MAF: variants seen among roughly 807,000 people sequenced by gnomAD.
The protein encoded by MAF is MAF bZIP transcription factor.
MAF carries 10 observed loss-of-function variants against 22.0 expected under a neutral mutation model. That is an observed-to-expected ratio of 0.45 (90% CI 0.28 to 0.77). The LOEUF (loss-of-function observed/expected upper bound fraction) is 0.77, where lower values mean the gene tolerates loss of function less well. Among genes scored for constraint, MAF ranks in the 30% least tolerant of loss-of-function variants. The pLI is 0.12. For synonymous variants in MAF, 337 were observed against 255.8 expected, an observed-to-expected ratio of 1.32 and a Z score of -3.03; for missense variants, 544 against 548.4, an observed-to-expected ratio of 0.99 and a Z score of 0.08.
the MAF span, among the ~76,000 whole-genome samples, chr16:79,384,607 A>T: frequency 5.3e-5 from 8 of 151,956 alleles, no homozygotes; most frequent in South Asian, 1.7e-3. Flanking sequence ...AATACAAAAA[A>T]TTAGCTGGGT....
At chr16:79,304,759 A>G in the MAF span, among the ~76,000 whole-genome samples, 2 of 152,208 alleles carry the variant, frequency 1.3e-5, no homozygotes, top group Non-Finnish European at 2.9e-5. Flanking sequence ...AGGGACCAAA[A>G]GGGACTAAAT....
At chr16:79,377,095 C>A in the MAF span, among the ~76,000 whole-genome samples, 1,213 of 152,272 alleles carry the variant, frequency 8.0e-3, 9 homozygotes, top group Non-Finnish European at 0.01. Flanking sequence ...TGAGGAATCG[C>A]CACACTGACT....
the MAF span, among the ~76,000 whole-genome samples, chr16:79,370,139 T>G: frequency 2.0e-5 from 3 of 152,160 alleles, no homozygotes; most frequent in Non-Finnish European, 4.4e-5. Context: ...GGAGGCTAAT[T>G]GGCTAAAGTA....
At chr16:79,386,547 G>A in the MAF span, among the ~76,000 whole-genome samples, 1 of 152,134 alleles carries the variant, frequency 6.6e-6, no homozygotes, top group Non-Finnish European at 1.5e-5. Context: ...CCTGCTGTGT[G>A]GCCTGGCTCG....
chr16:79,473,142 T>C, the MAF span, among the ~76,000 whole-genome samples: 1 of 152,152 alleles, frequency 6.6e-6, no homozygotes, highest in Non-Finnish European at 1.5e-5. Flanking sequence ...TTCACACCCC[T>C]GGCTCAGCGT....
the MAF span, among the ~76,000 whole-genome samples, chr16:79,315,971 C>G: frequency 1.2e-3 from 190 of 152,348 alleles, 1 homozygote; most frequent in Admixed American, 0.011. Context: ...TAGCACCTGC[C>G]ATTCTGAACC....
the MAF span, among the ~76,000 whole-genome samples, chr16:79,476,364 T>C: frequency 1.3e-5 from 2 of 152,212 alleles, no homozygotes; most frequent in African/African-American, 4.8e-5. Flanking sequence ...TGTTAGCTGC[T>C]GAATTGATGG....
chr16:79,270,059 C>G, the MAF span, among the ~76,000 whole-genome samples: 2 of 151,786 alleles, frequency 1.3e-5, no homozygotes, highest in East Asian at 3.9e-4. Flanking sequence ...ATCCTGCATG[C>G]TTACGGGAAT....
the MAF span, among the ~76,000 whole-genome samples, chr16:79,560,880 G>A: frequency 6.6e-6 from 1 of 152,326 alleles, no homozygotes; most frequent in South Asian, 2.1e-4. Context: ...GGAACACACA[G>A]AGCAGGACTA....
chr16:79,479,376 G>A, the MAF span, among the ~76,000 whole-genome samples: 51 of 152,242 alleles, frequency 3.3e-4, no homozygotes, highest in South Asian at 7.7e-3. Flanking sequence ...ACCTTTTCCC[G>A]GATATGTGTT....
At chr16:79,536,906 G>A in the MAF span, among the ~76,000 whole-genome samples, 1 of 152,158 alleles carries the variant, frequency 6.6e-6, no homozygotes, top group South Asian at 2.1e-4. Flanking sequence ...TTTTGGTATG[G>A]GAGGGGGGTC....
chr16:79,213,893 T>C, the MAF span, among the ~76,000 whole-genome samples: 1 of 152,162 alleles, frequency 6.6e-6, no homozygotes, highest in Non-Finnish European at 1.5e-5. Context: ...GTTAATTTTT[T>C]TCTACCCTAC....
At chr16:79,211,316 C>T in the MAF span, among the ~76,000 whole-genome samples, 2,880 of 152,214 alleles carry the variant, frequency 0.019, 99 homozygotes, top group African/African-American at 0.066. Context: ...GTGGAAGAGG[C>T]GCCTGCCACG....
At chr16:79,219,046 A>G in the MAF span, among the ~76,000 whole-genome samples, 8 of 152,228 alleles carry the variant, frequency 5.3e-5, no homozygotes, top group Non-Finnish European at 5.9e-5. Context: ...CCACTTAGAA[A>G]GAAGTGTCTT....
the MAF span, among the ~76,000 whole-genome samples, chr16:79,368,551 G>T: frequency 1.3e-5 from 2 of 152,062 alleles, no homozygotes; most frequent in African/African-American, 4.8e-5. Context: ...TGTGCATAAT[G>T]TTACTGAAAA....
chr16:79,488,714 T>G, the MAF span, among the ~76,000 whole-genome samples: 4 of 152,124 alleles, frequency 2.6e-5, no homozygotes, highest in Non-Finnish European at 5.9e-5. Context: ...ATAAGTTAAT[T>G]TATCCTGTGT....
At chr16:79,336,424 C>A in the MAF span, among the ~76,000 whole-genome samples, 1 of 152,066 alleles carries the variant, frequency 6.6e-6, no homozygotes, top group Non-Finnish European at 1.5e-5. Flanking sequence ...GCTTCACTGG[C>A]AAATCTGTGT....
chr16:79,209,140 AG>A, the MAF span, among the ~76,000 whole-genome samples: 1 of 152,192 alleles, frequency 6.6e-6, no homozygotes, highest in Non-Finnish European at 1.5e-5. Context: ...CCTGATAAAA[AG>A]TTAGGCTTTT....
At chr16:79,281,101 T>A in the MAF span, among the ~76,000 whole-genome samples, 1 of 151,256 alleles carries the variant, frequency 6.6e-6, no homozygotes, top group South Asian at 2.1e-4. Context: ...CGAAGACAAA[T>A]AGAGGATGAA....
Sources: gnomAD v4.1 joint callset for allele counts (sites outside exome capture counted in the v4.1 genomes callset) on GRCh38, gnomAD v4.1.1 for gene constraint, MANE v1.5 for transcripts, NCBI Gene and HGNC (gene_info 2026-07-23, HGNC 2026-07-21) for gene names.